The following DUXB variants were observed in gnomAD, a reference collection of about 807,000 sequenced individuals.
DUXB encodes the protein double homeobox B.
DUXB carries 22 observed loss-of-function variants against 8.9 expected under a neutral mutation model. That is an observed-to-expected ratio of 2.46 (90% CI 1.76 to 3.52). The LOEUF (loss-of-function observed/expected upper bound fraction) is 3.52, where lower values mean the gene tolerates loss of function less well. Among genes scored for constraint, DUXB ranks in the 30% most tolerant of loss-of-function variants. DUXB has a pLI of 0.00. For missense variants in DUXB, 237 were observed against 108.7 expected, an observed-to-expected ratio of 2.18 and a Z score of -5.25; for synonymous variants, 84 against 37.6, an observed-to-expected ratio of 2.23 and a Z score of -4.52.
intron 4 of DUXB, among the ~76,000 whole-genome samples, chr16:75,695,495 A>G (rs2082598439): frequency 6.6e-6 from 1 of 152,214 alleles, no homozygotes; most frequent in African/African-American, 2.4e-5. Context: ...GGTAAAAGAA[A>G]ATACTCCTTG....
chr16:75,701,357 A>C (rs762029044), intron 1 of DUXB, 37 bp downstream of exon 1: 3 of 398,650 alleles, frequency 7.5e-6, no homozygotes, highest in South Asian at 1.3e-4. Flanking sequence ...ACATGCAGCA[A>C]TCCCAAAGAA....
At position 75,700,188 on chromosome 16, in the gene DUXB, G is replaced by C; in HGVS notation, c.26-19C>G. Reference sequence around the variant, plus strand: ...AGTATGCCTGATGAACAGAAAAGGGGGAGAATAGTGTGAATAATATATTTA... The same window carrying C: ...AGTATGCCTGATGAACAGAAAAGGGCGAGAATAGTGTGAATAATATATTTA... On this transcript the variant is annotated intron_variant, in intron 1 of 4. Coordinates refer to ENST00000633875, the MANE Select transcript of DUXB (RefSeq NM_001351307.2). The C allele has an allele frequency of 1.4e-6, 1 of 691,972 alleles. No individual in the cohort carries two copies. Among genetic ancestry groups the C allele is most frequent in the Non-Finnish European group, 2.6e-6 (1 of 381,598 alleles). The allele number at this position is 691,972 out of a possible 1,614,324, so 42.9% of individuals were successfully genotyped here.
At chr16:75,699,115 G>A (rs1422794524) in intron 2 of DUXB, among the ~76,000 whole-genome samples, 1 of 152,082 alleles carries the variant, frequency 6.6e-6, no homozygotes, top group Non-Finnish European at 1.5e-5. Flanking sequence ...GAAAATGTTG[G>A]GATTACAGGT....
chr16:75,700,630 C>A (rs530146802), intron 1 of DUXB, among the ~76,000 whole-genome samples: 2 of 152,032 alleles, frequency 1.3e-5, no homozygotes, highest in African/African-American at 4.8e-5. Flanking sequence ...CCATTCTCCC[C>A]GGTCAGCCTC....
chr16:75,699,227 G>T (rs966067254), intron 2 of DUXB, among the ~76,000 whole-genome samples: 1 of 152,034 alleles, frequency 6.6e-6, no homozygotes, highest in African/African-American at 2.4e-5. Context: ...ATTCAGTATG[G>T]AATTTTATTT....
In DUXB at chr16:75,695,960, C is replaced by T; in HGVS notation, c.441+1G>A. 7 of 702,998 alleles carry T rather than the reference C, an allele frequency of 1.0e-5. No individual in the cohort carries two copies. Among genetic ancestry groups the T allele is most frequent in the Non-Finnish European group, 1.6e-5 (6 of 385,008 alleles). The allele number at this position is 702,998 out of a possible 1,614,324, so 43.5% of individuals were successfully genotyped here. A position where few individuals can be genotyped will look rare whatever the true frequency, so the allele number is the denominator to read the frequency against. On this transcript the variant is annotated splice_donor_variant, in intron 4 of 4. Coordinates refer to ENST00000633875, the MANE Select transcript of DUXB (RefSeq NM_001351307.2). LOFTEE classifies it high-confidence loss of function. Reference sequence around the variant, plus strand: ...GTTGGGATCACACACATAGAACTTACTTGAATTCTTGATTCCTGCAGGCCT... The same window carrying T: ...GTTGGGATCACACACATAGAACTTATTTGAATTCTTGATTCCTGCAGGCCT...
Position 75,694,160 on chromosome 16 carries a change from T to A in DUXB, c.807A>T (p.Leu269Phe). The change falls in exon 5 of 5, where the codon TTA (leucine) becomes TTT (phenylalanine). Residue 269 changes from leucine (L) to phenylalanine (F), a missense_variant. Leu to Phe is a conservative substitution (Grantham distance 22). Coordinates refer to ENST00000633875, the MANE Select transcript of DUXB (RefSeq NM_001351307.2). ...GGAGCCAGAAGGGAGTCGGAGTATCTAAGTCCTTTGTCAGAATTGGCAGTG... is the reference window on the plus strand; with the variant it reads ...GGAGCCAGAAGGGAGTCGGAGTATCAAAGTCCTTTGTCAGAATTGGCAGTG... ...LLTLPILTKD[L>F]DTPTPFWLQY... 2.1e-6 allele frequency: 1 copy of A among 472,652 alleles called. No individual in the cohort carries two copies. The highest frequency in any genetic ancestry group is 5.0e-5 in the South Asian group (1 of 19,828). The allele number at this position is 472,652 out of a possible 1,614,324, so 29.3% of individuals were successfully genotyped here.
chr16:75,695,081 A>G (rs76377412), intron 4 of DUXB, among the ~76,000 whole-genome samples: 1,738 of 152,260 alleles, frequency 0.011, 36 homozygotes, highest in African/African-American at 0.04. Context: ...TTGTATGTGA[A>G]ATTAACTCCA....
rs1231104552 is a variant in DUXB at position 75,693,894 on chromosome 16, C to T, written c.*35G>A. Reference sequence around the variant, plus strand: ...TTAGCCAAGTGGATGACATGTTTCTCAGCTGAGTGTGCCTACTGCTGCCAC... The same window carrying T: ...TTAGCCAAGTGGATGACATGTTTCTTAGCTGAGTGTGCCTACTGCTGCCAC... On this transcript the variant is annotated 3_prime_UTR_variant, in exon 5 of 5. Transcript: ENST00000633875. 3.5e-5 allele frequency: 14 copies of T among 398,818 alleles called. No individual in the cohort carries two copies. In the East Asian group the frequency reaches 3.9e-4, roughly 11 times the overall value. The allele number at this position is 398,818 out of a possible 1,614,324, so 24.7% of individuals were successfully genotyped here.
At chr16:75,695,802 C>T (rs2082601083) in intron 4 of DUXB, 159 bp downstream of exon 4, 1 of 592,776 alleles carries the variant, frequency 1.7e-6, no homozygotes, top group South Asian at 2.1e-5. Context: ...AAAATTCTTC[C>T]TTGACAAAAA....
chr16:75,695,646 C>T (rs2082599736), intron 4 of DUXB, among the ~76,000 whole-genome samples: 1 of 152,102 alleles, frequency 6.6e-6, no homozygotes, highest in South Asian at 2.1e-4. Flanking sequence ...GACCAATATC[C>T]TACCATGCAC....
chr16:75,701,269 AC>A (rs1304309080), intron 1 of DUXB, 124 bp downstream of exon 1: 1 of 397,474 alleles, frequency 2.5e-6, no homozygotes, highest in Non-Finnish European at 4.4e-6. Flanking sequence ...TCAGCGAAAA[AC>A]AGCTGCTGCT....
chr16:75,700,501 AATT>A (rs371898614), intron 1 of DUXB, among the ~76,000 whole-genome samples: 5 of 150,362 alleles, frequency 3.3e-5, no homozygotes, highest in East Asian at 3.9e-4. Context: ...CCATTTTGTT[AATT>A]ATTATTATTA....
intron 1 of DUXB, among the ~76,000 whole-genome samples, chr16:75,700,501 AATTATT>A (rs371898614): frequency 1.3e-5 from 2 of 150,288 alleles, no homozygotes; most frequent in Non-Finnish European, 3.0e-5. Flanking sequence ...CCATTTTGTT[AATTATT>A]ATTATTATTA....
intron 4 of DUXB, among the ~76,000 whole-genome samples, chr16:75,695,579 G>T (rs1439771775): frequency 6.6e-6 from 1 of 152,184 alleles, no homozygotes; most frequent in Non-Finnish European, 1.5e-5. Flanking sequence ...CAAATAGGGG[G>T]GAGAGAATGT....
chr16:75,700,824 T>C (rs1258413754), intron 1 of DUXB, among the ~76,000 whole-genome samples: 2 of 152,162 alleles, frequency 1.3e-5, no homozygotes, highest in East Asian at 3.8e-4. Flanking sequence ...TATTACTCTG[T>C]ATTTTTACTT....
chr16:75,697,340 A>T (rs995393914), intron 2 of DUXB, among the ~76,000 whole-genome samples: 1 of 152,206 alleles, frequency 6.6e-6, no homozygotes, highest in African/African-American at 2.4e-5. Context: ...ATAACATGCA[A>T]TACATATGGA....
intron 4 of DUXB, among the ~76,000 whole-genome samples, chr16:75,695,460 G>A (rs1597209264): frequency 6.6e-6 from 1 of 152,178 alleles, no homozygotes. Context: ...CTTAACATAC[G>A]CTAAATCACT....
chr16:75,694,795 C>A (rs2082592244), intron 4 of DUXB, among the ~76,000 whole-genome samples: 1 of 152,150 alleles, frequency 6.6e-6, no homozygotes, highest in Non-Finnish European at 1.5e-5. Flanking sequence ...ATTCACATAG[C>A]ATTTACATTG....
Sources: gnomAD v4.1 joint callset for allele counts (sites outside exome capture counted in the v4.1 genomes callset) on GRCh38, gnomAD v4.1.1 for gene constraint, MANE v1.5 for transcripts, NCBI Gene and HGNC (gene_info 2026-07-23, HGNC 2026-07-21) for gene names.